The following DTNA variants were observed in gnomAD, a reference collection of about 807,000 sequenced individuals.
DTNA encodes dystrophin-related protein 3.
Under a neutral mutation model 100.7 loss-of-function variants are expected in DTNA, and 43 were observed. The observed-to-expected ratio is 0.43, with a 90% CI of 0.33 to 0.55. DTNA has a LOEUF of 0.55. DTNA is among the 20% of genes least tolerant of loss of function. DTNA has a pLI of 0.04. For synonymous variants in DTNA, 349 were observed against 347.9 expected, an observed-to-expected ratio of 1.00 and a Z score of -0.04; for missense variants, 798 against 953.9, an observed-to-expected ratio of 0.84 and a Z score of 2.15.
intron 1 of DTNA, among the ~76,000 whole-genome samples, chr18:34,588,858 A>G (rs1389275053): frequency 2.0e-5 from 3 of 152,126 alleles, no homozygotes; most frequent in South Asian, 4.1e-4. Flanking sequence ...CATGGTGCAC[A>G]TACACATGCA....
chr18:34,557,292 A>G (rs1395716665), intron 1 of DTNA, among the ~76,000 whole-genome samples: 1 of 140,494 alleles, frequency 7.1e-6, no homozygotes, highest in Admixed American at 6.9e-5. Context: ...AAAGTTTTCA[A>G]CTTCTTTGCC....
intron 11 of DTNA, among the ~76,000 whole-genome samples, chr18:34,830,492 C>G (rs1039530764): frequency 3.3e-5 from 5 of 152,146 alleles, no homozygotes; most frequent in African/African-American, 1.2e-4. Context: ...TTTTGACATC[C>G]TAGTAATCTA....
intron 15 of DTNA, among the ~76,000 whole-genome samples, chr18:34,855,023 T>C (rs1484635381): frequency 6.6e-6 from 1 of 152,234 alleles, no homozygotes; most frequent in East Asian, 1.9e-4. Context: ...ACCATCATTG[T>C]GGTCTAGGTT....
chr18:34,539,170 G>A (rs368724281), intron 1 of DTNA, among the ~76,000 whole-genome samples: 3 of 151,792 alleles, frequency 2.0e-5, no homozygotes, highest in East Asian at 3.9e-4. Flanking sequence ...ACAGCACACT[G>A]ATCTCTTAAT....
intron 1 of DTNA, among the ~76,000 whole-genome samples, chr18:34,609,932 A>G (rs1198024626): frequency 6.6e-6 from 1 of 152,226 alleles, no homozygotes; most frequent in Non-Finnish European, 1.5e-5. Flanking sequence ...AAATAAAAAC[A>G]ATAACAATTC....
chr18:34,810,875 T>C (rs2149317575), intron 5 of DTNA, among the ~76,000 whole-genome samples: 1 of 152,324 alleles, frequency 6.6e-6, no homozygotes, highest in East Asian at 1.9e-4. Context: ...ATAAACTATT[T>C]GAAACAGCGG....
At chr18:34,696,300 C>T (rs921868874) in intron 1 of DTNA, among the ~76,000 whole-genome samples, 2 of 152,078 alleles carry the variant, frequency 1.3e-5, no homozygotes, top group Admixed American at 6.6e-5. Flanking sequence ...AAAGATAGGC[C>T]GGGCATGGTG....
chr18:34,599,744 G>A (rs979647629), intron 1 of DTNA, among the ~76,000 whole-genome samples: 7 of 152,028 alleles, frequency 4.6e-5, no homozygotes, highest in Non-Finnish European at 5.9e-5. Context: ...GAGTACAGCT[G>A]TCAGCTCACT....
chr18:34,652,057 C>T (rs1415598674), intron 1 of DTNA, among the ~76,000 whole-genome samples: 1 of 150,468 alleles, frequency 6.6e-6, no homozygotes, highest in Non-Finnish European at 1.5e-5. Context: ...CAGATTGCGA[C>T]CCTGTCTCAA....
intron 1 of DTNA, chr18:34,493,642 T>C (rs1255368367): frequency 6.8e-6 from 1 of 147,844 alleles, no homozygotes; most frequent in Non-Finnish European, 1.5e-5. Flanking sequence ...GGCCGCCCGG[T>C]GCAGAGGAGC....
At chr18:34,772,806 G>A (rs1455195219) in intron 3 of DTNA, among the ~76,000 whole-genome samples, 1 of 152,176 alleles carries the variant, frequency 6.6e-6, no homozygotes, top group Non-Finnish European at 1.5e-5. Flanking sequence ...GCATGGCTGG[G>A]TTTTCGGCTT....
chr18:34,878,586 C>G (rs994915535), intron 19 of DTNA, among the ~76,000 whole-genome samples: 6 of 151,972 alleles, frequency 3.9e-5, no homozygotes, highest in African/African-American at 1.4e-4. Flanking sequence ...GATTCCCAGC[C>G]CTTATCTATT....
chr18:34,507,930 T>C lies in DTNA; in HGVS notation c.-2+14416T>C, dbSNP rs78531611. Among the ~76,000 whole-genome samples the C allele has an allele frequency of 4.3e-3, 655 of 152,282 alleles. 7 individuals carry two copies. The highest frequency in any genetic ancestry group is 0.015 in the African/African-American group (619 of 41,568). The stretch of plus-strand genomic sequence containing the variant: ...GATCCTTGACTGGGTTTTTGGAAAA[T>C]GTATTTATTATATTTAACATTTTAT... On this transcript the variant is annotated intron_variant, in intron 1 of 19. Transcript: ENST00000283365.
At chr18:34,864,943 C>G (rs1459708665) in intron 17 of DTNA, among the ~76,000 whole-genome samples, 1 of 152,180 alleles carries the variant, frequency 6.6e-6, no homozygotes, top group Non-Finnish European at 1.5e-5. Context: ...AAGCCTTATT[C>G]CCTTCTTTAG....
intron 1 of DTNA, among the ~76,000 whole-genome samples, chr18:34,720,961 G>A (rs2146946544): frequency 6.6e-6 from 1 of 152,258 alleles, no homozygotes; most frequent in East Asian, 1.9e-4. Context: ...TGGTTATCTG[G>A]AGAAGTAACA....
intron 1 of DTNA, among the ~76,000 whole-genome samples, chr18:34,512,045 C>T (rs907799034): frequency 2.2e-4 from 33 of 151,972 alleles, no homozygotes; most frequent in Admixed American, 1.6e-3. Context: ...AATCATTACT[C>T]TGAGTTTTAT....
chr18:34,587,247 T>C (rs981327231), intron 1 of DTNA, among the ~76,000 whole-genome samples: 15 of 152,062 alleles, frequency 9.9e-5, no homozygotes, highest in Non-Finnish European at 1.5e-4. Context: ...TGCAAGCATG[T>C]TATATTGGTT....
chr18:34,817,161 T>C (rs2095614563), intron 7 of DTNA, among the ~76,000 whole-genome samples: 1 of 152,222 alleles, frequency 6.6e-6, no homozygotes, highest in South Asian at 2.1e-4. Flanking sequence ...TGTCCCTAGA[T>C]TGAAGTCCCA....
intron 3 of DTNA, among the ~76,000 whole-genome samples, chr18:34,776,425 C>A (rs1186178772): frequency 6.6e-6 from 1 of 152,158 alleles, no homozygotes; most frequent in African/African-American, 2.4e-5. Flanking sequence ...CCTCTGCCTC[C>A]CGGGTTCAAG....
Sources: gnomAD v4.1 joint callset for allele counts (sites outside exome capture counted in the v4.1 genomes callset) on GRCh38, gnomAD v4.1.1 for gene constraint, MANE v1.5 for transcripts, NCBI Gene and HGNC (gene_info 2026-07-23, HGNC 2026-07-21) for gene names.